GABRB1: variants seen among roughly 807,000 people sequenced by gnomAD.
GABRB1 encodes the protein gamma-aminobutyric acid type A receptor subunit beta1.
GABRB1 carries 17 observed loss-of-function variants against 51.6 expected under a neutral mutation model. That is an observed-to-expected ratio of 0.33 (90% confidence interval 0.23 to 0.49). GABRB1 has a LOEUF of 0.49. Ranked by LOEUF, GABRB1 falls within the 20% of genes least tolerant of loss-of-function variation. The pLI, the probability that GABRB1 is intolerant of heterozygous loss-of-function variation, is 0.99. For synonymous variants in GABRB1, 247 were observed against 218.9 expected (o/e 1.13, Z -1.14); for missense variants, 410 against 600.6 (o/e 0.68, Z 3.32).
intron 4 of GABRB1, among the ~76,000 whole-genome samples, chr4:47,267,230 C>G (rs1231672714): frequency 6.6e-6 from 1 of 151,592 alleles, no homozygotes; most frequent in Non-Finnish European, 1.5e-5. Context: ...TTAAAAAGTG[C>G]CTTCATAGAA....
intron 4 of GABRB1, among the ~76,000 whole-genome samples, chr4:47,165,994 T>C (rs561407784): frequency 7.8e-4 from 119 of 152,188 alleles, no homozygotes; most frequent in Non-Finnish European, 1.4e-3. Flanking sequence ...AAATCACTTC[T>C]ACCATCTAAA....
At chr4:47,281,600 T>C (rs563085311) in intron 4 of GABRB1, among the ~76,000 whole-genome samples, 2 of 152,328 alleles carry the variant, frequency 1.3e-5, no homozygotes, top group Non-Finnish European at 2.9e-5. Context: ...CACTTCTATG[T>C]TTATTTTAAC....
At chr4:47,232,172 A>G (rs1721165031) in intron 4 of GABRB1, among the ~76,000 whole-genome samples, 2 of 152,068 alleles carry the variant, frequency 1.3e-5, no homozygotes, top group African/African-American at 4.8e-5. Context: ...AAAATCCCCA[A>G]AACCAGAGCC....
intron 3 of GABRB1, among the ~76,000 whole-genome samples, chr4:47,052,975 T>G (rs1228426646): frequency 1.3e-5 from 2 of 152,188 alleles, no homozygotes; most frequent in Non-Finnish European, 2.9e-5. Context: ...GAGGCGCTGT[T>G]GCAGGCTGGG....
At chr4:47,020,347 A>T (rs1027654082) in intron 1 of GABRB1, among the ~76,000 whole-genome samples, 31 of 152,298 alleles carry the variant, frequency 2.0e-4, no homozygotes, top group Non-Finnish European at 4.3e-4. Flanking sequence ...TTCAATTCAT[A>T]CGAATAGTAT....
intron 4 of GABRB1, among the ~76,000 whole-genome samples, chr4:47,305,026 A>ATT (rs1724394984): frequency 6.6e-6 from 1 of 152,056 alleles, no homozygotes; most frequent in Non-Finnish European, 1.5e-5. Flanking sequence ...AAGGACAGTC[A>ATT]TTTTGTTTCT....
intron 4 of GABRB1, among the ~76,000 whole-genome samples, chr4:47,299,495 A>G (rs1284801282): frequency 2.0e-5 from 3 of 152,150 alleles, no homozygotes; most frequent in Non-Finnish European, 2.9e-5. Context: ...AAAAATGCTC[A>G]TCATCACTGG....
chr4:47,425,516 A>AGATAGATCGATCGATC (rs557382638), intron 8 of GABRB1, among the ~76,000 whole-genome samples, 158 bp from the exon 9 acceptor site: 2 of 149,436 alleles, frequency 1.3e-5, no homozygotes, highest in East Asian at 2.0e-4. Flanking sequence ...ATAGATAGAT[A>AGATAGATCGATCGATC]GATCGATCGA....
intron 5 of GABRB1, among the ~76,000 whole-genome samples, chr4:47,347,053 G>A (rs921287255): frequency 6.6e-6 from 1 of 152,062 alleles, no homozygotes; most frequent in African/African-American, 2.4e-5. Context: ...AGGCTGAGGC[G>A]GGTGGATCAC....
chr4:47,401,555 G>A (rs966525442), intron 5 of GABRB1, among the ~76,000 whole-genome samples: 1 of 152,146 alleles, frequency 6.6e-6, no homozygotes, highest in African/African-American at 2.4e-5. Flanking sequence ...GCTGAGGGGG[G>A]AAAGAAAATC....
At chr4:47,256,578 G>T (rs913584119) in intron 4 of GABRB1, among the ~76,000 whole-genome samples, 10 of 152,188 alleles carry the variant, frequency 6.6e-5, no homozygotes, top group Non-Finnish European at 1.3e-4. Flanking sequence ...ATTGGTTCCT[G>T]GTTCTGTAGG....
chr4:47,104,227 C>A (rs953448866), intron 3 of GABRB1, among the ~76,000 whole-genome samples: 1 of 151,496 alleles, frequency 6.6e-6, no homozygotes, highest in African/African-American at 2.4e-5. Flanking sequence ...TCTTCATTTT[C>A]TTCTGTTGCA....
intron 1 of GABRB1, among the ~76,000 whole-genome samples, chr4:46,997,624 G>T (rs962998588): frequency 6.6e-6 from 1 of 151,686 alleles, no homozygotes; most frequent in Non-Finnish European, 1.5e-5. Context: ...ATCTGTGTCT[G>T]GTCTATTTCA....
At chr4:47,028,793 GTGTATATATGTGTATATATA>G (rs1725184338), upstream of GABRB1, among the ~76,000 whole-genome samples, 1 of 143,110 alleles carries the variant, frequency 7.0e-6, no homozygotes. Flanking sequence ...ATATGTATAT[GTGTATATATGTGTATATATA>G]TGTATATATG....
chr4:47,380,572 C>T (rs1042306388), intron 5 of GABRB1, among the ~76,000 whole-genome samples: 2 of 152,170 alleles, frequency 1.3e-5, no homozygotes, highest in African/African-American at 4.8e-5. Flanking sequence ...GTTTTACTAA[C>T]ATGAACTTCT....
Position 46,999,140 on chromosome 4 carries a change from C to T in GABRB1, c.-20+5214C>T, listed in dbSNP as rs116808423. On this transcript the variant is annotated intron_variant, in intron 1 of 3. Coordinates refer to the GABRB1 transcript ENST00000513567. ...GATAATTTATGCATTACCGATAGTG[C>T]CCCAAATTAACCCATATAGTTTATT... 4.6e-3 allele frequency among the ~76,000 whole-genome samples: 700 copies of T among 152,168 alleles called. 5 individuals carry two copies. Among genetic ancestry groups the T allele is most frequent in the Middle Eastern group, 0.02 (6 of 294 alleles).
chr4:47,426,044 A>T lies in GABRB1; in HGVS notation c.*26A>T. On this transcript the variant is annotated 3_prime_UTR_variant, in exon 9 of 9. Coordinates refer to ENST00000295454, the MANE Select transcript of GABRB1 (RefSeq NM_000812.4). ...GGTCTGTTCTAATGGTTCCATTTAG[A>T]CTACTTTCCTCTTCTATTGTTTTTT... 1 of 1,499,256 alleles carries T rather than the reference A, an allele frequency of 6.7e-7. No homozygotes were observed. Among genetic ancestry groups the T allele is most frequent in the South Asian group, 1.3e-5 (1 of 75,874 alleles). 92.9% of individuals were successfully genotyped at this position (1,499,256 alleles called of 1,614,324 possible). A position where few individuals can be genotyped will look rare whatever the true frequency, so the allele number is the denominator to read the frequency against.
rs72109821 is a variant in GABRB1, at chr4:47,032,128, GCACA to G, written c.172+153_172+156del. On this transcript the variant is annotated intron_variant, in intron 2 of 8. Coordinates refer to ENST00000295454, the MANE Select transcript of GABRB1 (RefSeq NM_000812.4). ...TTCGTAAGCGTGCACTATACCCTGGGCACACACACACACACACACACACACACAC... is the reference window on the plus strand; with the variant it reads ...TTCGTAAGCGTGCACTATACCCTGGGCACACACACACACACACACACACAC... 1,676 of 582,698 alleles carry G rather than the reference GCACA, an allele frequency of 2.9e-3. 4 individuals are homozygous for G. Among genetic ancestry groups the G allele is most frequent in the Middle Eastern group, 0.012 (27 of 2,314 alleles). The allele number at this position is 582,698 out of a possible 1,614,324, so 36.1% of individuals were successfully genotyped here.
At chr4:47,294,440 G>A (rs1053460131) in intron 4 of GABRB1, among the ~76,000 whole-genome samples, 9 of 152,196 alleles carry the variant, frequency 5.9e-5, no homozygotes, top group South Asian at 2.1e-4. Context: ...AAAAAACGGC[G>A]CACCAGAAGA....
Sources: gnomAD v4.1 joint callset for allele counts (sites outside exome capture counted in the v4.1 genomes callset) on GRCh38, gnomAD v4.1.1 for gene constraint, MANE v1.5 for transcripts, NCBI Gene and HGNC (gene_info 2026-07-23, HGNC 2026-07-21) for gene names.